C16orf74: variants seen among roughly 807,000 people sequenced by gnomAD.
C16orf74 encodes the protein calcimembrin, also known as uncharacterized protein C16orf74.
A neutral mutation model predicts 6.5 loss-of-function variants in C16orf74; 10 were observed. The ratio of observed to expected loss-of-function variants is 1.54; its 90% CI spans 0.95 to 2.61. The LOEUF (loss-of-function observed/expected upper bound fraction) is 2.61, where lower values mean the gene tolerates loss of function less well. C16orf74 is among the 30% of genes most tolerant of loss of function. C16orf74 has a pLI of 0.00. For synonymous variants in C16orf74, 60 were observed against 42.5 expected (o/e 1.41, Z -1.60); for missense variants, 141 against 105.9 (o/e 1.33, Z -1.45).
chr16:85,722,949 A>T (rs2054097312), intron 2 of C16orf74, among the ~76,000 whole-genome samples: 1 of 152,214 alleles, frequency 6.6e-6, no homozygotes, highest in African/African-American at 2.4e-5. Context: ...GGAGGCGAAA[A>T]GAGGTTGAGC....
At chr16:85,715,671 C>A (rs111899722) in intron 2 of C16orf74, among the ~76,000 whole-genome samples, 2,302 of 152,322 alleles carry the variant, frequency 0.015, 60 homozygotes, top group African/African-American at 0.051. Context: ...ATAAAACTTT[C>A]TTTCTAAAAG....
intron 2 of C16orf74, among the ~76,000 whole-genome samples, chr16:85,716,617 G>A (rs1173794602): frequency 5.4e-5 from 8 of 148,666 alleles, no homozygotes; most frequent in Non-Finnish European, 1.2e-4. Flanking sequence ...AGGGCAGGAA[G>A]AGGAAGAGAG....
At chr16:85,747,878 C>G (rs925378047) in intron 1 of C16orf74, among the ~76,000 whole-genome samples, 5 of 151,904 alleles carry the variant, frequency 3.3e-5, no homozygotes, top group Non-Finnish European at 7.4e-5. Context: ...ACAAGGTCAG[C>G]AGTTCAAGAC....
intron 1 of C16orf74, among the ~76,000 whole-genome samples, chr16:85,744,984 A>C (rs2054356535): frequency 6.6e-6 from 1 of 151,538 alleles, no homozygotes; most frequent in African/African-American, 2.4e-5. Context: ...TCTACTAAAA[A>C]TACAAAATTA....
chr16:85,721,137 C>T (rs112589943), intron 2 of C16orf74, among the ~76,000 whole-genome samples: 187 of 152,254 alleles, frequency 1.2e-3, no homozygotes, highest in African/African-American at 3.9e-3. Flanking sequence ...CTTGCTCCAT[C>T]ACTTCCCAGC....
At chr16:85,732,767 C>T (rs1395749554) in intron 2 of C16orf74, among the ~76,000 whole-genome samples, 1 of 151,886 alleles carries the variant, frequency 6.6e-6, no homozygotes, top group Non-Finnish European at 1.5e-5. Context: ...GAGACCCAGG[C>T]TGGGCGAGTG....
chr16:85,729,218 T>A (rs1386835537), intron 2 of C16orf74, among the ~76,000 whole-genome samples: 1 of 152,192 alleles, frequency 6.6e-6, no homozygotes, highest in Non-Finnish European at 1.5e-5. Flanking sequence ...AGCCTCCCTG[T>A]CTGTAGAGTT....
At chr16:85,739,957 C>A (rs1378705160) in intron 1 of C16orf74, among the ~76,000 whole-genome samples, 2 of 151,730 alleles carry the variant, frequency 1.3e-5, no homozygotes, top group Non-Finnish European at 2.9e-5. Flanking sequence ...TGCCTGTAAT[C>A]CCAGCACTTA....
chr16:85,713,362 C>T (rs2053988619), intron 2 of C16orf74, among the ~76,000 whole-genome samples: 1 of 152,164 alleles, frequency 6.6e-6, no homozygotes. Flanking sequence ...ACCTCTGCCT[C>T]TCGGGTTCAA....
intron 2 of C16orf74, 46 bp downstream of exon 2, chr16:85,735,144 C>A (rs765560759): frequency 1.9e-5 from 30 of 1,572,538 alleles, no homozygotes; most frequent in South Asian, 1.8e-4. Flanking sequence ...CAACCCAGCA[C>A]CCCCTCTGCC....
intron 2 of C16orf74, among the ~76,000 whole-genome samples, chr16:85,725,567 G>C (rs1207941015): frequency 6.6e-6 from 1 of 152,182 alleles, no homozygotes; most frequent in African/African-American, 2.4e-5. Context: ...TCCTGGGCTA[G>C]AATGATTCCA....
At chr16:85,740,735 G>C (rs1189163334) in intron 1 of C16orf74, among the ~76,000 whole-genome samples, 1 of 145,110 alleles carries the variant, frequency 6.9e-6, no homozygotes, top group Non-Finnish European at 1.5e-5. Flanking sequence ...TTGGTGGCGG[G>C]CATCTGTAAT....
intron 1 of C16orf74, among the ~76,000 whole-genome samples, chr16:85,739,734 G>A (rs954895455): frequency 6.6e-6 from 1 of 152,116 alleles, no homozygotes; most frequent in Non-Finnish European, 1.5e-5. Flanking sequence ...TCCTTGAAGT[G>A]GAGGCTACAG....
At chr16:85,746,521 G>A (rs1215080452) in intron 1 of C16orf74, among the ~76,000 whole-genome samples, 2 of 152,156 alleles carry the variant, frequency 1.3e-5, no homozygotes, top group African/African-American at 2.4e-5. Flanking sequence ...GGTTCCTGCA[G>A]AGCCACCTCC....
At chr16:85,728,018 A>G (rs67517952) in intron 2 of C16orf74, among the ~76,000 whole-genome samples, 1 of 148,526 alleles carries the variant, frequency 6.7e-6, no homozygotes, top group Admixed American at 6.8e-5. Flanking sequence ...GTACACCTAT[A>G]CTCCAGCTGC....
intron 2 of C16orf74, among the ~76,000 whole-genome samples, chr16:85,727,847 G>A (rs1278110887): frequency 1.6e-5 from 2 of 126,978 alleles, no homozygotes; most frequent in South Asian, 5.2e-4. Context: ...TAGTTAATAA[G>A]AATGGATCTG....
intron 2 of C16orf74, among the ~76,000 whole-genome samples, chr16:85,718,200 G>A (rs995708158): frequency 5.9e-5 from 9 of 151,936 alleles, no homozygotes; most frequent in African/African-American, 1.9e-4. Flanking sequence ...CTCCCAAAGT[G>A]CTGGGTGAAA....
At chr16:85,750,830 T>G (rs1342874583) in intron 1 of C16orf74, 96 bp downstream of exon 1, 2 of 151,832 alleles carry the variant, frequency 1.3e-5, no homozygotes, top group African/African-American at 4.8e-5. Flanking sequence ...GGCTAGAGCT[T>G]GCGAGGCGTG....
chr16:85,748,132 A>G (rs1387345491), intron 1 of C16orf74, among the ~76,000 whole-genome samples: 1 of 81,584 alleles, frequency 1.2e-5, no homozygotes, highest in African/African-American at 3.1e-5. Flanking sequence ...GTGTGTGTAT[A>G]TATATATGTG....
Sources: gnomAD v4.1 joint callset for allele counts (sites outside exome capture counted in the v4.1 genomes callset) on GRCh38, gnomAD v4.1.1 for gene constraint, MANE v1.5 for transcripts, NCBI Gene and HGNC (gene_info 2026-07-23, HGNC 2026-07-21) for gene names.